CDHR2: variants seen among roughly 807,000 people sequenced by gnomAD.
CDHR2 encodes cadherin related family member 2.
Under a neutral mutation model 138.6 loss-of-function variants are expected in CDHR2, and 104 were observed. The ratio of observed to expected loss-of-function variants is 0.75; its 90% CI spans 0.64 to 0.88. CDHR2 has a LOEUF of 0.88. Ranked by LOEUF, CDHR2 falls within the 40% of genes least tolerant of loss-of-function variation. CDHR2 has a pLI of 0.00. For missense variants in CDHR2, 1,624 were observed against 1,727.6 expected (o/e 0.94, Z 1.06); for synonymous variants, 755 against 742.8 (o/e 1.02, Z -0.27).
In CDHR2 at chr5:176,586,026, G is replaced by A; in HGVS notation, c.2806+1G>A. ...TTTCTGCCTGAGAATAAGACTTTTG[G>A]TAAGCAGCAACCCCATTCACACACC... On this transcript the variant is annotated splice_donor_variant, in intron 20 of 31. Coordinates refer to ENST00000261944, the MANE Select transcript of CDHR2 (RefSeq NM_017675.6). LOFTEE classifies it high-confidence loss of function. 1.2e-6 allele frequency: 2 copies of A among 1,613,318 alleles called. No homozygotes were observed. Among genetic ancestry groups the A allele is most frequent in the Non-Finnish European group, 1.7e-6 (2 of 1,179,342 alleles).
upstream of CDHR2, chr5:176,547,829 A>G (rs539683581): frequency 6.6e-6 from 1 of 152,344 alleles, no homozygotes; most frequent in Non-Finnish European, 1.5e-5. Flanking sequence ...CTGGTGGCGT[A>G]TAAATTTTGT....
intron 12 of CDHR2, among the ~76,000 whole-genome samples, 188 bp from the exon 13 acceptor site, chr5:176,577,211 A>C (rs11959522): frequency 0.94 from 142,816 of 151,736 alleles, 67,835 homozygotes; most frequent in East Asian, 1. Context: ...TGTCTTCTAC[A>C]GAGCCTGCAT....
rs1386248244 is a variant in CDHR2 at position 176,543,608 on chromosome 5, A to T, written c.-16+839A>T. 2 of 152,102 alleles carry T rather than the reference A, an allele frequency of 1.3e-5. No individual in the cohort carries two copies. Among genetic ancestry groups the T allele is most frequent in the Non-Finnish European group, 2.9e-5 (2 of 68,020 alleles). The allele number at this position is 152,102 out of a possible 1,614,324, so 9.4% of individuals were successfully genotyped here. On this transcript the variant is annotated intron_variant, in intron 1 of 31. Transcript: ENST00000510636. The surrounding 1 kb of genome is among the most constrained non-coding windows in gnomAD (Gnocchi z 4.0). ...CAGCCTCCGTGACCTTGGAGGAGTG[A>T]CTTCGTTTTCTCGCCTGTGAAAAGG...
rs1758449674 is a variant in CDHR2 at position 176,578,352 on chromosome 5, C to A, written c.1575-13C>A. The A allele has an allele frequency of 1.9e-6, 3 of 1,606,314 alleles. No individual in the cohort carries two copies. The highest frequency in any genetic ancestry group is 4.5e-5 in the East Asian group (2 of 44,560). ...CTGTGTCTCTATTTGCTGAACCTGG[C>A]CCCTCTGAGCAGGGCAGACCTCTTC... On this transcript the variant is annotated splice_polypyrimidine_tract_variant and intron_variant, in intron 15 of 31. Transcript: ENST00000261944.
intron 31 of CDHR2, among the ~76,000 whole-genome samples, chr5:176,594,501 G>C (rs1419778191): frequency 6.6e-6 from 1 of 152,230 alleles, no homozygotes; most frequent in South Asian, 2.1e-4. Flanking sequence ...CATCCAGAGA[G>C]GGGTGCTGAC....
At chr5:176,546,522 TACAG>T (rs1284430348), upstream of CDHR2, among the ~76,000 whole-genome samples, 2 of 151,918 alleles carry the variant, frequency 1.3e-5, no homozygotes, top group Non-Finnish European at 2.9e-5. Context: ...ACCTGCAACT[TACAG>T]ATAAGGAAAC....
At chr5:176,590,813 C>T in intron 28 of CDHR2, 126 bp downstream of exon 28, 4 of 1,292,474 alleles carry the variant, frequency 3.1e-6, no homozygotes, top group Non-Finnish European at 4.3e-6. Flanking sequence ...CCCCAGTGAC[C>T]CAGTGCGAGA....
intron 1 of CDHR2, 66 bp from the exon 2 acceptor site, chr5:176,565,272 A>T: frequency 8.5e-7 from 1 of 1,177,292 alleles, no homozygotes; most frequent in Non-Finnish European, 1.3e-6. Context: ...AGACCCAGGC[A>T]GATGGGAGTC....
intron 29 of CDHR2, 36 bp downstream of exon 29, chr5:176,591,359 TG>T (rs1182976473): frequency 6.2e-7 from 1 of 1,609,760 alleles, no homozygotes. Flanking sequence ...AGAGGCCTGG[TG>T]GGGTGGCTGA....
chr5:176,569,913 T>C (rs1758184191), intron 5 of CDHR2, among the ~76,000 whole-genome samples: 1 of 151,090 alleles, frequency 6.6e-6, no homozygotes, highest in Non-Finnish European at 1.5e-5. Flanking sequence ...TGAGCCGAGA[T>C]TGCACCACCT....
intron 21 of CDHR2, 126 bp from the exon 22 acceptor site, chr5:176,588,905 C>T: frequency 2.2e-6 from 2 of 910,032 alleles, no homozygotes; most frequent in South Asian, 1.6e-5. Flanking sequence ...TTCGGGGCAG[C>T]GTGGGGATGG....
chr5:176,593,305 G>A (rs994606106), intron 31 of CDHR2, among the ~76,000 whole-genome samples: 1 of 152,232 alleles, frequency 6.6e-6, no homozygotes, highest in Admixed American at 6.5e-5. Context: ...CACCTGAGGA[G>A]CTCTTGAAAA....
chr5:176,569,971 A>AAAAAT (rs1758185773), intron 5 of CDHR2, among the ~76,000 whole-genome samples: 1 of 152,072 alleles, frequency 6.6e-6, no homozygotes, highest in Non-Finnish European at 1.5e-5. Flanking sequence ...AAAAAAAAAA[A>AAAAAT]ATTACAGATA....
intron 31 of CDHR2, 147 bp from the exon 32 acceptor site, chr5:176,595,385 C>A: frequency 1.2e-6 from 1 of 861,300 alleles, no homozygotes; most frequent in Non-Finnish European, 1.7e-6. Context: ...GGGACACAGC[C>A]TGGACCAGAG....
At chr5:176,571,659 C>T (rs1444620133) in intron 6 of CDHR2, among the ~76,000 whole-genome samples, 1 of 152,286 alleles carries the variant, frequency 6.6e-6, no homozygotes, top group African/African-American at 2.4e-5. Flanking sequence ...GCCTCAGCCT[C>T]CCAAGTAGCT....
At chr5:176,564,689 C>T (rs1032632466) in intron 1 of CDHR2, among the ~76,000 whole-genome samples, 2 of 152,092 alleles carry the variant, frequency 1.3e-5, no homozygotes, top group African/African-American at 4.8e-5. Context: ...CCTCCCTAGA[C>T]CCACCTGACT....
intron 20 of CDHR2, 117 bp downstream of exon 20, chr5:176,586,142 T>G (rs1758660561): frequency 6.8e-6 from 5 of 731,398 alleles, no homozygotes; most frequent in South Asian, 6.4e-5. Flanking sequence ...GGAAGGCCTC[T>G]AATCCTGCAT....
At chr5:176,550,431 G>T (rs74570045) in intron 1 of CDHR2, among the ~76,000 whole-genome samples, 1 of 152,156 alleles carries the variant, frequency 6.6e-6, no homozygotes, top group African/African-American at 2.4e-5. Context: ...ACCCAGGCTC[G>T]GCTGGAGTCC....
Position 176,577,684 on chromosome 5 carries a change from G to A in CDHR2, c.1398G>A (p.Val466=). The change falls in exon 14 of 32, where the codon GTG becomes GTA. Residue 466 remains valine, a synonymous_variant. Coordinates refer to ENST00000261944, the MANE Select transcript of CDHR2 (RefSeq NM_017675.6). ...SVSQNFSVAM[V]TIHLRDINDH... ...GCCAGAACTTCTCCGTCGCCATGGT[G>A]ACCATCCACCTTAGAGACATTAATG... 6.2e-7 allele frequency: 1 copy of A among 1,614,220 alleles called. No homozygotes were observed.
Sources: gnomAD v4.1 joint callset for allele counts (sites outside exome capture counted in the v4.1 genomes callset) on GRCh38, gnomAD v4.1.1 for gene constraint, Gnocchi (gnomAD v3.1) non-coding constraint, MANE v1.5 for transcripts, NCBI Gene and HGNC (gene_info 2026-07-23, HGNC 2026-07-21) for gene names.